The following UGT1A8 variants were observed in gnomAD, a reference collection of about 807,000 sequenced individuals.
UGT1A8 encodes UDP glucuronosyltransferase family 1 member A8.
Under a neutral mutation model 45.3 loss-of-function variants are expected in UGT1A8, and 39 were observed. That is an observed-to-expected ratio of 0.86 (90% CI 0.67 to 1.12). UGT1A8 has a LOEUF of 1.12. Among genes scored for constraint, UGT1A8 ranks in the 50% most tolerant of loss-of-function variants. The pLI is 0.00. For missense variants in UGT1A8, 719 were observed against 664.9 expected (o/e 1.08, Z -0.90); for synonymous variants, 275 against 249.2 (o/e 1.10, Z -0.97).
intron 1 of UGT1A8, among the ~76,000 whole-genome samples, chr2:233,766,276 CCCGGGCTCG>C (rs1699094963): frequency 2.0e-5 from 3 of 151,848 alleles, no homozygotes; most frequent in Non-Finnish European, 1.5e-5. Flanking sequence ...GGCTCGGTGG[CCCGGGCTCG>C]GTGGCCTGGG....
In UGT1A8 at chr2:233,769,517, G is replaced by T; in HGVS notation, c.1295+1078G>T. 6.2e-7 allele frequency: 1 copy of T among 1,612,844 alleles called. No homozygotes were observed. The highest frequency in any genetic ancestry group is 8.5e-7 in the Non-Finnish European group (1 of 1,179,874). On this transcript the variant is annotated intron_variant, in intron 4 of 4. Transcript: ENST00000373450. The surrounding 1 kb of genome is among the most constrained non-coding windows in gnomAD (Gnocchi z 4.4). ...AGAGTGTCCATTGCTTTCTCCCATGGTTACCTCCTTTAGAAAGAAGCAGCA... is the reference window on the plus strand; with the variant it reads ...AGAGTGTCCATTGCTTTCTCCCATGTTTACCTCCTTTAGAAAGAAGCAGCA...
intron 1 of UGT1A8, among the ~76,000 whole-genome samples, chr2:233,638,184 A>G (rs918913100): frequency 1.3e-5 from 2 of 152,142 alleles, no homozygotes; most frequent in African/African-American, 4.8e-5. Context: ...ATGTCTCACT[A>G]TTTATTCAGA....
chr2:233,648,482 A>T (rs2073659002), intron 1 of UGT1A8: 1 of 156,994 alleles, frequency 6.4e-6, no homozygotes, highest in Non-Finnish European at 1.4e-5. Context: ...TATTTTTGAG[A>T]CGGAGTCTTG....
chr2:233,675,418 TA>T (rs1436789609), intron 1 of UGT1A8, among the ~76,000 whole-genome samples: 1 of 152,174 alleles, frequency 6.6e-6, no homozygotes, highest in Non-Finnish European at 1.5e-5. Context: ...CCAACAGAAT[TA>T]ATGACTGGTT....
intron 1 of UGT1A8, chr2:233,754,908 T>C: frequency 7.4e-7 from 1 of 1,352,648 alleles, no homozygotes; most frequent in Non-Finnish European, 9.9e-7. Flanking sequence ...CCCCAAAATA[T>C]TCTCCAGCGG....
At chr2:233,623,390 C>T (rs2073042914) in intron 1 of UGT1A8, among the ~76,000 whole-genome samples, 1 of 152,092 alleles carries the variant, frequency 6.6e-6, no homozygotes, top group Non-Finnish European at 1.5e-5. Flanking sequence ...TTTGTGTCCT[C>T]TTTTATTTTG....
At position 233,772,278 on chromosome 2, in the gene UGT1A8, A is replaced by G. The variant is rs1289153891; in HGVS notation, c.1312A>G (p.Met438Val). 6.2e-7 allele frequency: 1 copy of G among 1,614,252 alleles called. No homozygotes were observed. Among genetic ancestry groups the G allele is most frequent in the Admixed American group, 1.7e-5 (1 of 60,036 alleles). Residue 438 changes from methionine to valine, a missense_variant, in exon 5 of 5, where the codon ATG becomes GTG. By Grantham distance (21) the Met-to-Val change is conservative. Coordinates refer to ENST00000373450, the MANE Select transcript of UGT1A8 (RefSeq NM_019076.5). Reference sequence around the variant, plus strand: ...TGTGTTTAGTTACAAGGAGAACATCATGCGCCTCTCCAGCCTTCACAAGGA... The same window carrying G: ...TGTGTTTAGTTACAAGGAGAACATCGTGCGCCTCTCCAGCCTTCACAAGGA... ...INDKSYKENI[M>V]RLSSLHKDRP... is the part of the protein sequence containing the mutation.
chr2:233,690,756 GACATACACACACACACACAT>G (rs1040043100), intron 1 of UGT1A8: 5 of 1,106,974 alleles, frequency 4.5e-6, no homozygotes, highest in African/African-American at 4.7e-5. Flanking sequence ...GTCCAGTGCA[GACATACACACACACACACAT>G]ACACACACAC....
chr2:233,678,381 C>T (rs1038540989), intron 1 of UGT1A8, among the ~76,000 whole-genome samples: 1 of 152,062 alleles, frequency 6.6e-6, no homozygotes, highest in African/African-American at 2.4e-5. Flanking sequence ...ATTGAGTGGG[C>T]TGTGGAGGAG....
intron 1 of UGT1A8, among the ~76,000 whole-genome samples, chr2:233,670,978 G>T (rs1462297855): frequency 1.3e-5 from 2 of 152,166 alleles, no homozygotes; most frequent in Non-Finnish European, 2.9e-5. Context: ...AGGCTAGCAG[G>T]CTTATGGATG....
rs369299997 is a variant in UGT1A8 at position 233,625,349 on chromosome 2, G to A, written c.855+6787G>A. 2.6e-3 allele frequency among the ~76,000 whole-genome samples: 398 copies of A among 152,130 alleles called. 5 individuals are homozygous for A. The highest frequency in any genetic ancestry group is 8.9e-3 in the African/African-American group (370 of 41,524). On this transcript the variant is annotated intron_variant, in intron 1 of 4. Transcript: ENST00000373450. ...CTTGTACACTGTTGGTGGTGGGAAC[G>A]CAAATTAGATCATCCCCTGTGGGAA...
At chr2:233,756,346 C>T (rs1696189939) in intron 1 of UGT1A8, 1 of 152,136 alleles carries the variant, frequency 6.6e-6, no homozygotes, top group South Asian at 2.1e-4. Context: ...CTCTTGATTA[C>T]TTTTACCTAA....
chr2:233,693,094 G>T, intron 1 of UGT1A8: 2 of 1,614,170 alleles, frequency 1.2e-6, no homozygotes, highest in Non-Finnish European at 1.7e-6. Flanking sequence ...ACAAGCTGCT[G>T]GTGGTCCCTC....
intron 1 of UGT1A8, among the ~76,000 whole-genome samples, chr2:233,658,018 C>CT (rs34352422): frequency 0.027 from 3,398 of 128,060 alleles, 146 homozygotes; most frequent in African/African-American, 0.088. Context: ...GTTTCCTCCT[C>CT]TTTTTTTTTT....
chr2:233,626,580 T>C (rs950390096), intron 1 of UGT1A8, among the ~76,000 whole-genome samples: 1 of 152,098 alleles, frequency 6.6e-6, no homozygotes. Context: ...AAGAAATGAA[T>C]TGTTTGGGGC....
intron 1 of UGT1A8, chr2:233,689,969 C>A (rs2074968576): frequency 2.2e-6 from 1 of 455,440 alleles, no homozygotes; most frequent in South Asian, 1.6e-5. Context: ...CTTGGAGGAA[C>A]CCACAGGCCC....
chr2:233,732,686 C>A (rs1472057155), intron 1 of UGT1A8, among the ~76,000 whole-genome samples: 1 of 151,722 alleles, frequency 6.6e-6, no homozygotes, highest in African/African-American at 2.4e-5. Flanking sequence ...GGTACCAGCA[C>A]CCATGCTGTT....
chr2:233,671,850 T>C, intron 1 of UGT1A8: 3 of 1,497,968 alleles, frequency 2.0e-6, no homozygotes. Flanking sequence ...TCTATTGGGG[T>C]CAGGTTTTGT....
At chr2:233,766,942 T>C (rs957269469) in intron 1 of UGT1A8, 92 bp from the exon 2 acceptor site, 13 of 1,596,398 alleles carry the variant, frequency 8.1e-6, no homozygotes, top group Non-Finnish European at 1.0e-5. Flanking sequence ...AATCATAGTC[T>C]TAAGAGGAAG....
Sources: allele counts gnomAD v4.1 joint callset (sites outside exome capture counted in the v4.1 genomes callset), GRCh38; gene constraint gnomAD v4.1.1; non-coding constraint Gnocchi (gnomAD v3.1); transcripts MANE v1.5; gene names NCBI Gene and HGNC (gene_info 2026-07-23, HGNC 2026-07-21).